ARHGAP15: variants seen among roughly 807,000 people sequenced by gnomAD.
ARHGAP15 encodes rho GTPase-activating protein 15.
A neutral mutation model predicts 63.7 loss-of-function variants in ARHGAP15; 51 were observed. That is an observed-to-expected ratio of 0.80 (90% CI 0.64 to 1.01). ARHGAP15 has a LOEUF of 1.01. ARHGAP15 is among the 50% of genes least tolerant of loss of function. The probability of loss-of-function intolerance (pLI) is 0.00; values close to 1 mark genes in which losing one functional copy is unlikely to be tolerated. For missense variants in ARHGAP15, 560 were observed against 564.6 expected, an observed-to-expected ratio of 0.99 and a Z score of 0.08; for synonymous variants, 191 against 193.8, an observed-to-expected ratio of 0.99 and a Z score of 0.12.
chr2:143,709,345 C>A (rs1684473481), intron 13 of ARHGAP15, among the ~76,000 whole-genome samples: 1 of 152,112 alleles, frequency 6.6e-6, no homozygotes, highest in South Asian at 2.1e-4. Context: ...AAATGGGCAA[C>A]TTTTAATAAT....
chr2:143,497,107 G>C (rs954188158), intron 9 of ARHGAP15, among the ~76,000 whole-genome samples: 6 of 152,140 alleles, frequency 3.9e-5, no homozygotes, highest in Non-Finnish European at 4.4e-5. Context: ...GGCAGGCTTT[G>C]TTTCATCTTA....
chr2:143,275,394 T>C (rs1681494879), intron 6 of ARHGAP15, among the ~76,000 whole-genome samples: 1 of 152,222 alleles, frequency 6.6e-6, no homozygotes, highest in Admixed American at 6.5e-5. Context: ...TGGAATAACG[T>C]GTTACGTTGC....
intron 12 of ARHGAP15, among the ~76,000 whole-genome samples, chr2:143,702,992 C>T (rs1055587104): frequency 3.3e-5 from 5 of 152,154 alleles, no homozygotes; most frequent in African/African-American, 4.8e-5. Context: ...GATTCAGACA[C>T]GGACATCTTT....
At chr2:143,461,715 G>A (rs1690949229) in intron 8 of ARHGAP15, among the ~76,000 whole-genome samples, 1 of 152,142 alleles carries the variant, frequency 6.6e-6, no homozygotes, top group Admixed American at 6.5e-5. Flanking sequence ...ATCCTTGACT[G>A]TAAAGAAAAA....
At chr2:143,524,212 T>C (rs915600817) in intron 10 of ARHGAP15, among the ~76,000 whole-genome samples, 1 of 49,086 alleles carries the variant, frequency 2.0e-5, no homozygotes, top group African/African-American at 8.2e-5. Flanking sequence ...GCAGCTGTTA[T>C]ATTTTTTTTG....
chr2:143,153,885 C>CTCCTCCTCT (rs1689973355), intron 1 of ARHGAP15, among the ~76,000 whole-genome samples: 2 of 95,344 alleles, frequency 2.1e-5, no homozygotes, highest in African/African-American at 6.8e-5. Context: ...CCTCCTCCTC[C>CTCCTCCTCT]TCCTCCTCCT....
intron 6 of ARHGAP15, among the ~76,000 whole-genome samples, chr2:143,429,413 A>G (rs1689288331): frequency 6.6e-6 from 1 of 152,114 alleles, no homozygotes; most frequent in African/African-American, 2.4e-5. Flanking sequence ...GCTCAATTTC[A>G]CTTAAAAAGC....
rs542128944 is a variant in ARHGAP15, at chr2:143,647,157, C to T, written c.1138+22890C>T. Among the ~76,000 whole-genome samples, 3 of 151,750 alleles carry T rather than the reference C, an allele frequency of 2.0e-5. No homozygotes were observed. The South Asian group carries it at 6.2e-4, about 31-fold the overall frequency. On this transcript the variant is annotated intron_variant, in intron 12 of 13. Transcript: ENST00000295095. ...ATAGAAATGTGCCTATCATGTTATA[C>T]TGACTCAAACCAGAAGACCTAGAGT...
chr2:143,736,340 G>T (rs540141713), intron 13 of ARHGAP15, among the ~76,000 whole-genome samples: 1 of 151,518 alleles, frequency 6.6e-6, no homozygotes, highest in South Asian at 2.1e-4. Context: ...AGGTTGCAGT[G>T]AGCCCAGATT....
intron 6 of ARHGAP15, among the ~76,000 whole-genome samples, chr2:143,366,584 A>G (rs1308695652): frequency 2.0e-5 from 3 of 152,110 alleles, no homozygotes; most frequent in South Asian, 2.1e-4. Flanking sequence ...GCATTTTGGT[A>G]TCGACTTTTT....
At chr2:143,580,219 G>T (rs1415521093) in intron 11 of ARHGAP15, among the ~76,000 whole-genome samples, 1 of 151,858 alleles carries the variant, frequency 6.6e-6, no homozygotes, top group Non-Finnish European at 1.5e-5. Context: ...CCAACAACGA[G>T]TATTTAATAT....
intron 8 of ARHGAP15, among the ~76,000 whole-genome samples, chr2:143,466,382 C>T (rs1182335104): frequency 6.6e-6 from 1 of 150,520 alleles, no homozygotes. Context: ...ATGGAAAAGA[C>T]AGCTTGGGTT....
intron 8 of ARHGAP15, among the ~76,000 whole-genome samples, chr2:143,475,658 G>C (rs1187400093): frequency 1.3e-5 from 2 of 152,198 alleles, no homozygotes; most frequent in African/African-American, 4.8e-5. Flanking sequence ...TGGGGAATGT[G>C]GGGGTAAGAA....
intron 6 of ARHGAP15, among the ~76,000 whole-genome samples, chr2:143,406,333 A>G (rs1006654777): frequency 5.9e-5 from 9 of 151,986 alleles, no homozygotes; most frequent in African/African-American, 2.2e-4. Context: ...ATGACTTCCA[A>G]GAGAATGGAT....
intron 11 of ARHGAP15, among the ~76,000 whole-genome samples, chr2:143,597,356 A>T (rs1697562912): frequency 6.6e-6 from 1 of 152,162 alleles, no homozygotes; most frequent in Non-Finnish European, 1.5e-5. Flanking sequence ...AAGCCTATAG[A>T]TCTCAATACA....
chr2:143,230,900 C>G (rs866423504), intron 5 of ARHGAP15, among the ~76,000 whole-genome samples: 1 of 152,126 alleles, frequency 6.6e-6, no homozygotes, highest in Non-Finnish European at 1.5e-5. Flanking sequence ...CTGCCCTTTC[C>G]TCCTAGGGGT....
intron 12 of ARHGAP15, among the ~76,000 whole-genome samples, chr2:143,672,762 T>C (rs997104355): frequency 6.6e-6 from 1 of 152,190 alleles, no homozygotes; most frequent in Admixed American, 6.5e-5. Flanking sequence ...ATGGTAGAGA[T>C]ATCCAAAGAC....
At chr2:143,343,891 C>A (rs1447353430) in intron 6 of ARHGAP15, among the ~76,000 whole-genome samples, 1 of 152,080 alleles carries the variant, frequency 6.6e-6, no homozygotes, top group Non-Finnish European at 1.5e-5. Flanking sequence ...AAGCTTTCTA[C>A]TTTAAAAACA....
At chr2:143,448,766 G>T in intron 8 of ARHGAP15, among the ~76,000 whole-genome samples, 1 of 151,744 alleles carries the variant, frequency 6.6e-6, no homozygotes, top group Non-Finnish European at 1.5e-5. Context: ...CTAGGAGCTT[G>T]TTAGTAAATA....
Sources: gnomAD v4.1 joint callset for allele counts (sites outside exome capture counted in the v4.1 genomes callset) on GRCh38, gnomAD v4.1.1 for gene constraint, MANE v1.5 for transcripts, NCBI Gene and HGNC (gene_info 2026-07-23, HGNC 2026-07-21) for gene names.